Variants in FAM163A observed in about 807,000 individuals in gnomAD.
FAM163A encodes the protein family with sequence similarity 163 member A.
A neutral mutation model predicts 12.0 loss-of-function variants in FAM163A; 7 were observed. That is an observed-to-expected ratio of 0.58 (90% CI 0.33 to 1.10). The LOEUF is 1.10. Among genes scored for constraint, FAM163A ranks in the 50% least tolerant of loss-of-function variants. FAM163A has a pLI of 0.03. For missense variants in FAM163A, 202 were observed against 218.6 expected, an observed-to-expected ratio of 0.92 and a Z score of 0.48; for synonymous variants, 101 against 91.0, an observed-to-expected ratio of 1.11 and a Z score of -0.62.
intron 1 of FAM163A, among the ~76,000 whole-genome samples, chr1:179,787,585 C>G (rs184587167): frequency 2.3e-4 from 35 of 152,184 alleles, no homozygotes; most frequent in African/African-American, 8.2e-4. Context: ...GAGGAGGAGC[C>G]TTGCGTGAGG....
intron 1 of FAM163A, among the ~76,000 whole-genome samples, chr1:179,769,548 G>T (rs1013329699): frequency 6.6e-6 from 1 of 152,188 alleles, no homozygotes; most frequent in Non-Finnish European, 1.5e-5. Context: ...GAAATAGGAG[G>T]AGTTTTGACT....
intron 1 of FAM163A, among the ~76,000 whole-genome samples, chr1:179,776,490 CA>C (rs57207957): frequency 2.0e-3 from 243 of 123,948 alleles, no homozygotes; most frequent in Middle Eastern, 4.0e-3. Context: ...GACTCCATTT[CA>C]AAAAAAAAAA....
chr1:179,744,100 G>T (rs972051749), intron 1 of FAM163A, among the ~76,000 whole-genome samples: 1 of 152,206 alleles, frequency 6.6e-6, no homozygotes, highest in African/African-American at 2.4e-5. Context: ...TGCCTTCGCG[G>T]CGCGGCGTGG....
intron 1 of FAM163A, among the ~76,000 whole-genome samples, chr1:179,783,574 A>G (rs574344823): frequency 6.6e-6 from 1 of 151,834 alleles, no homozygotes; most frequent in South Asian, 2.1e-4. Context: ...TACTTAGTAT[A>G]TAAGAAAAGT....
intron 1 of FAM163A, among the ~76,000 whole-genome samples, chr1:179,781,451 T>C (rs1480467429): frequency 2.0e-5 from 3 of 151,736 alleles, no homozygotes; most frequent in African/African-American, 7.3e-5. Context: ...TCTCGGTTGG[T>C]TGACTGCTCT....
At chr1:179,740,995 G>T (rs1256140947), upstream of FAM163A, among the ~76,000 whole-genome samples, 1 of 152,146 alleles carries the variant, frequency 6.6e-6, no homozygotes, top group African/African-American at 2.4e-5. Context: ...AGCGACTCTT[G>T]ATCAAAAGAT....
intron 1 of FAM163A, among the ~76,000 whole-genome samples, chr1:179,781,578 C>T (rs12040638): frequency 6.6e-6 from 1 of 151,818 alleles, no homozygotes. Context: ...GTAAATCCTT[C>T]CCTCCAGTGT....
At chr1:179,762,368 G>C (rs1686939473) in intron 1 of FAM163A, among the ~76,000 whole-genome samples, 1 of 152,124 alleles carries the variant, frequency 6.6e-6, no homozygotes, top group Non-Finnish European at 1.5e-5. Flanking sequence ...TGGGTATGTG[G>C]GTCAGTCAGT....
intron 1 of FAM163A, among the ~76,000 whole-genome samples, chr1:179,773,470 T>G (rs1239696314): frequency 6.6e-6 from 1 of 152,180 alleles, no homozygotes; most frequent in African/African-American, 2.4e-5. Context: ...ATGTTACCAT[T>G]GGGGGAAACT....
chr1:179,775,324 T>C (rs1340710739), intron 1 of FAM163A, among the ~76,000 whole-genome samples: 1 of 152,180 alleles, frequency 6.6e-6, no homozygotes, highest in African/African-American at 2.4e-5. Context: ...AAGTTGCACT[T>C]CTATGCAAAC....
intron 1 of FAM163A, among the ~76,000 whole-genome samples, chr1:179,775,029 A>T (rs1317933936): frequency 6.6e-6 from 1 of 152,248 alleles, no homozygotes; most frequent in African/African-American, 2.4e-5. Context: ...GCAACGATTT[A>T]TTGAAAATGA....
At chr1:179,753,391 C>T (rs575574131) in intron 1 of FAM163A, among the ~76,000 whole-genome samples, 1 of 152,262 alleles carries the variant, frequency 6.6e-6, no homozygotes, top group Non-Finnish European at 1.5e-5. Flanking sequence ...ATGGATAATA[C>T]TGTATTGTGC....
intron 1 of FAM163A, among the ~76,000 whole-genome samples, chr1:179,781,241 A>C (rs1173558832): frequency 1.3e-5 from 2 of 152,176 alleles, no homozygotes; most frequent in Non-Finnish European, 2.9e-5. Context: ...TGGTTCAACA[A>C]TATGGTGATT....
chr1:179,784,224 G>A (rs1037040294), intron 1 of FAM163A, among the ~76,000 whole-genome samples: 1 of 152,172 alleles, frequency 6.6e-6, no homozygotes, highest in Non-Finnish European at 1.5e-5. Flanking sequence ...CCTTCACCAG[G>A]AATAACCTGG....
chr1:179,743,934 G>A (rs1684041421), intron 1 of FAM163A, among the ~76,000 whole-genome samples: 1 of 152,218 alleles, frequency 6.6e-6, no homozygotes, highest in Non-Finnish European at 1.5e-5. Context: ...CAGGGGACCC[G>A]GGTAGGGTGG....
rs554041055 is a variant in FAM163A at position 179,785,941 on chromosome 1, C to T, written c.-135-21857C>T. ...GCTGCAGTGAACATCGAGTTGACAT[C>T]TCTTCACATAACCATAATTATTTCC... On this transcript the variant is annotated intron_variant, in intron 1 of 4. Coordinates refer to ENST00000341785, the MANE Select transcript of FAM163A (RefSeq NM_173509.3). Among the ~76,000 whole-genome samples the T allele has an allele frequency of 3.7e-3, 569 of 152,262 alleles. 3 individuals carry two copies. Among genetic ancestry groups the T allele is most frequent in the Non-Finnish European group, 5.3e-3 (362 of 68,020 alleles).
chr1:179,777,560 G>C (rs567089017), intron 1 of FAM163A, among the ~76,000 whole-genome samples: 1 of 152,148 alleles, frequency 6.6e-6, no homozygotes, highest in Non-Finnish European at 1.5e-5. Context: ...CCAAGCTCCA[G>C]ATCAAGGTCA....
the FAM163A span, among the ~76,000 whole-genome samples, chr1:179,733,317 C>T: frequency 3.9e-5 from 6 of 152,138 alleles, no homozygotes; most frequent in East Asian, 5.8e-4. Flanking sequence ...TAATCATTTG[C>T]CTATTGACCA....
rs532311795 is a variant in FAM163A at position 179,766,767 on chromosome 1, G to A, written c.-136+23344G>A. Among the ~76,000 whole-genome samples the A allele has an allele frequency of 8.5e-4, 121 of 141,786 alleles. 2 individuals carry two copies. The highest frequency in any genetic ancestry group is 3.4e-3 in the Admixed American group (50 of 14,494). The allele number at this position is 141,786 out of a possible 152,430, so 93.0% of individuals were successfully genotyped here. Reference sequence around the variant, plus strand: ...TACTTTTCTTTCTTTTTTTTTTTTCGGTTTGGAGACGTAGTTTTACTCTTG... The same window carrying A: ...TACTTTTCTTTCTTTTTTTTTTTTCAGTTTGGAGACGTAGTTTTACTCTTG... On this transcript the variant is annotated intron_variant, in intron 1 of 4. Coordinates refer to ENST00000341785, the MANE Select transcript of FAM163A (RefSeq NM_173509.3).
Sources: allele counts gnomAD v4.1 joint callset (sites outside exome capture counted in the v4.1 genomes callset), GRCh38; gene constraint gnomAD v4.1.1; transcripts MANE v1.5; gene names NCBI Gene and HGNC (gene_info 2026-07-23, HGNC 2026-07-21).